Variants in GAS2 observed in about 807,000 individuals in gnomAD.
GAS2 encodes the protein growth arrest specific 2.
In GAS2, 20 loss-of-function variants were observed where a neutral mutation model predicts 37.5. The observed-to-expected ratio is 0.53, with a 90% CI of 0.37 to 0.77. The LOEUF is 0.77. GAS2 is among the 30% of genes least tolerant of loss of function. The pLI, the probability that GAS2 is intolerant of heterozygous loss-of-function variation, is 0.00. For synonymous variants in GAS2, 144 were observed against 132.2 expected, an observed-to-expected ratio of 1.09 and a Z score of -0.61; for missense variants, 336 against 373.4, an observed-to-expected ratio of 0.90 and a Z score of 0.82.
chr11:22,692,039 A>G (rs979571549), intron 3 of GAS2, among the ~76,000 whole-genome samples: 5 of 152,146 alleles, frequency 3.3e-5, no homozygotes, highest in East Asian at 1.9e-4. Context: ...CTTCAATGCC[A>G]TAGCAATACA....
intron 3 of GAS2, among the ~76,000 whole-genome samples, chr11:22,699,069 G>A (rs1267073427): frequency 6.6e-6 from 1 of 152,110 alleles, no homozygotes; most frequent in Non-Finnish European, 1.5e-5. Flanking sequence ...TAGCCCCTGT[G>A]TAAATAGCAT....
intron 7 of GAS2, among the ~76,000 whole-genome samples, chr11:22,781,313 T>G (rs576969723): frequency 2.8e-4 from 43 of 152,280 alleles, no homozygotes; most frequent in Non-Finnish European, 4.3e-4. Context: ...CTAGGCCACG[T>G]GGAGAGTTAG....
At chr11:22,668,157 A>G (rs1430760270) in intron 1 of GAS2, 2 of 152,214 alleles carry the variant, frequency 1.3e-5, no homozygotes, top group Non-Finnish European at 2.9e-5. Flanking sequence ...TCTTTACTCC[A>G]AACTCTTAGC....
At chr11:22,637,263 ATTAATT>A (rs1565060657) in intron 1 of GAS2, among the ~76,000 whole-genome samples, 57 of 82,072 alleles carry the variant, frequency 6.9e-4, no homozygotes, top group East Asian at 1.3e-3. Context: ...ATACTAATAT[ATTAATT>A]ATATTAATAG....
At chr11:22,790,823 TATAG>T (rs1433094939) in intron 7 of GAS2, among the ~76,000 whole-genome samples, 1 of 151,928 alleles carries the variant, frequency 6.6e-6, no homozygotes, top group Non-Finnish European at 1.5e-5. Context: ...TATTATTAAA[TATAG>T]ATAGATAATA....
At chr11:22,689,409 A>T (rs886459014) in intron 3 of GAS2, among the ~76,000 whole-genome samples, 1 of 152,204 alleles carries the variant, frequency 6.6e-6, no homozygotes, top group Admixed American at 6.5e-5. Flanking sequence ...CAGCATTTAT[A>T]TATTCACGAC....
intron 3 of GAS2, among the ~76,000 whole-genome samples, chr11:22,699,673 C>T (rs938322835): frequency 2.6e-5 from 4 of 152,118 alleles, no homozygotes; most frequent in African/African-American, 7.2e-5. Context: ...CATAACTCCT[C>T]CTCTGTGCGT....
intron 7 of GAS2, among the ~76,000 whole-genome samples, chr11:22,768,399 G>T (rs935445677): frequency 6.6e-6 from 1 of 152,178 alleles, no homozygotes; most frequent in Non-Finnish European, 1.5e-5. Context: ...CCCAATTGTA[G>T]CTTTCTTTTA....
At chr11:22,700,724 T>G (rs1850797227) in intron 3 of GAS2, among the ~76,000 whole-genome samples, 1 of 152,188 alleles carries the variant, frequency 6.6e-6, no homozygotes, top group Non-Finnish European at 1.5e-5. Context: ...TTTGAGGATT[T>G]CTTTTCAAGG....
chr11:22,807,698 C>T (rs1856964618), intron 7 of GAS2, among the ~76,000 whole-genome samples: 1 of 152,238 alleles, frequency 6.6e-6, no homozygotes, highest in Non-Finnish European at 1.5e-5. Flanking sequence ...GGTGCTGCAG[C>T]CTGTAATAGG....
chr11:22,791,050 A>G (rs980498233), intron 7 of GAS2, among the ~76,000 whole-genome samples: 3 of 152,338 alleles, frequency 2.0e-5, no homozygotes, highest in East Asian at 1.9e-4. Context: ...TCAGAGATCA[A>G]ATACTCAAAA....
At chr11:22,710,515 G>A (rs61889445) in intron 3 of GAS2, among the ~76,000 whole-genome samples, 26,402 of 119,344 alleles carry the variant, frequency 0.22, 2,464 homozygotes, top group East Asian at 0.43. Flanking sequence ...GTGTGTGTCT[G>A]TGTGTATATA....
chr11:22,786,220 A>T (rs890060955), intron 7 of GAS2, among the ~76,000 whole-genome samples: 1 of 152,182 alleles, frequency 6.6e-6, no homozygotes, highest in African/African-American at 2.4e-5. Context: ...ATTTACATTT[A>T]CATGAGTTGG....
chr11:22,650,838 A>G (rs1431196960), intron 1 of GAS2, among the ~76,000 whole-genome samples: 7 of 151,852 alleles, frequency 4.6e-5, no homozygotes, highest in African/African-American at 1.7e-4. Flanking sequence ...GGTTTCCTGA[A>G]TACAGCACAC....
intron 6 of GAS2, 138 bp downstream of exon 6, chr11:22,749,399 C>A (rs1247952389): frequency 2.8e-6 from 2 of 703,092 alleles, no homozygotes; most frequent in Non-Finnish European, 4.4e-6. Context: ...ATATGAAAAA[C>A]TTTGTAGTCC....
chr11:22,656,135 A>G (rs1041793920), intron 1 of GAS2, among the ~76,000 whole-genome samples: 1 of 152,212 alleles, frequency 6.6e-6, no homozygotes, highest in Non-Finnish European at 1.5e-5. Flanking sequence ...AGTCATATCT[A>G]TAATTTCTAC....
chr11:22,793,625 G>A (rs1021421168), intron 7 of GAS2, among the ~76,000 whole-genome samples: 1 of 152,110 alleles, frequency 6.6e-6, no homozygotes, highest in Non-Finnish European at 1.5e-5. Context: ...AAGTTTCTGA[G>A]AGAGAAATAT....
intron 7 of GAS2, among the ~76,000 whole-genome samples, chr11:22,779,755 A>ATGTAC (rs1291329560): frequency 2.0e-5 from 3 of 151,790 alleles, no homozygotes; most frequent in African/African-American, 7.3e-5. Context: ...CATTACAGTA[A>ATGTAC]CTCTTTCTGG....
At chr11:22,759,323 T>G (rs1400444638) in intron 7 of GAS2, among the ~76,000 whole-genome samples, 1 of 152,230 alleles carries the variant, frequency 6.6e-6, no homozygotes, top group Non-Finnish European at 1.5e-5. Flanking sequence ...GAGGCATCTA[T>G]GTACTTTTGT....
Sources: allele counts gnomAD v4.1 joint callset (sites outside exome capture counted in the v4.1 genomes callset), GRCh38; gene constraint gnomAD v4.1.1; transcripts MANE v1.5; gene names NCBI Gene and HGNC (gene_info 2026-07-23, HGNC 2026-07-21).